The following CHCHD6 variants were observed in gnomAD, a reference collection of about 807,000 sequenced individuals.
CHCHD6 encodes the protein MICOS complex subunit MIC25.
CHCHD6 carries 28 observed loss-of-function variants against 32.3 expected under a neutral mutation model. The observed-to-expected ratio is 0.87, with a 90% CI of 0.64 to 1.19. CHCHD6 has a LOEUF of 1.19. CHCHD6 is among the 50% of genes most tolerant of loss of function. CHCHD6 has a pLI of 0.00. For synonymous variants in CHCHD6, 122 were observed against 117.5 expected, an observed-to-expected ratio of 1.04 and a Z score of -0.25; for missense variants, 333 against 307.0, an observed-to-expected ratio of 1.08 and a Z score of -0.63.
At chr3:126,895,436 G>A (rs1001559338) in intron 5 of CHCHD6, among the ~76,000 whole-genome samples, 4 of 152,196 alleles carry the variant, frequency 2.6e-5, no homozygotes, top group Admixed American at 1.3e-4. Flanking sequence ...TTTGCAGCAG[G>A]AGAAAAGAGG....
chr3:126,928,077 A>G (rs775966135), intron 6 of CHCHD6, among the ~76,000 whole-genome samples: 2 of 152,208 alleles, frequency 1.3e-5, no homozygotes, highest in Non-Finnish European at 2.9e-5. Flanking sequence ...AGGTCTGCCT[A>G]CAGTAGACCA....
At chr3:126,777,823 A>G (rs1937722013) in intron 4 of CHCHD6, among the ~76,000 whole-genome samples, 1 of 152,208 alleles carries the variant, frequency 6.6e-6, no homozygotes, top group African/African-American at 2.4e-5. Flanking sequence ...ATCTAACTCA[A>G]TTATTTTTAG....
chr3:126,736,843 A>G (rs906111493), intron 4 of CHCHD6, among the ~76,000 whole-genome samples: 2 of 152,218 alleles, frequency 1.3e-5, no homozygotes, highest in African/African-American at 4.8e-5. Context: ...CTGGGAAGAA[A>G]TAAAAAGAAC....
intron 6 of CHCHD6, among the ~76,000 whole-genome samples, chr3:126,937,060 G>C (rs1161520050): frequency 6.6e-6 from 1 of 152,248 alleles, no homozygotes; most frequent in African/African-American, 2.4e-5. Context: ...TGTGGGTAGA[G>C]AGCTGGGCAA....
intron 4 of CHCHD6, chr3:126,766,539 C>T: frequency 1.0e-6 from 1 of 979,932 alleles, no homozygotes; most frequent in Non-Finnish European, 1.6e-6. Context: ...CCATGGTGAC[C>T]TCTGAGAAAA....
At chr3:126,753,081 G>C (rs1159097323) in intron 4 of CHCHD6, among the ~76,000 whole-genome samples, 1 of 152,134 alleles carries the variant, frequency 6.6e-6, no homozygotes, top group Non-Finnish European at 1.5e-5. Flanking sequence ...GGTAGCTGGT[G>C]GCACCCTTCA....
intron 4 of CHCHD6, among the ~76,000 whole-genome samples, chr3:126,758,130 C>G (rs943172813): frequency 6.6e-6 from 1 of 152,204 alleles, no homozygotes; most frequent in African/African-American, 2.4e-5. Flanking sequence ...GCCAGCTGCT[C>G]CATGTCTGTG....
At chr3:126,783,332 G>C (rs1341627863) in intron 4 of CHCHD6, among the ~76,000 whole-genome samples, 2 of 152,176 alleles carry the variant, frequency 1.3e-5, no homozygotes, top group African/African-American at 4.8e-5. Flanking sequence ...CATATGACAA[G>C]CCCACAGCTA....
chr3:126,715,142 C>G (rs935265415), intron 1 of CHCHD6, among the ~76,000 whole-genome samples: 11 of 152,126 alleles, frequency 7.2e-5, no homozygotes, highest in African/African-American at 2.7e-4. Flanking sequence ...GCAAATCATT[C>G]TATTGTTTCC....
At chr3:126,895,275 G>T (rs2077822202) in intron 5 of CHCHD6, among the ~76,000 whole-genome samples, 1 of 152,244 alleles carries the variant, frequency 6.6e-6, no homozygotes, top group South Asian at 2.1e-4. Flanking sequence ...GGAGGGCACA[G>T]TGAGTTAGCG....
intron 1 of CHCHD6, among the ~76,000 whole-genome samples, chr3:126,721,393 C>T (rs1191101369): frequency 6.6e-6 from 1 of 152,162 alleles, no homozygotes; most frequent in African/African-American, 2.4e-5. Context: ...CTGCAGACAT[C>T]GCTGCCGTCC....
At chr3:126,818,043 G>A (rs567153160) in intron 4 of CHCHD6, among the ~76,000 whole-genome samples, 7 of 152,218 alleles carry the variant, frequency 4.6e-5, no homozygotes, top group Admixed American at 2.0e-4. Context: ...GGTGATGGCC[G>A]CAGCCATGTT....
In CHCHD6 at chr3:126,712,819, C is replaced by T. The variant is rs909844953; in HGVS notation, c.87+8420C>T. ...AGCTTTCTAAATGACCCTGCCAGCA[C>T]CCCCGTGCATGTCCCATGGGTACAT... On this transcript the variant is annotated intron_variant, in intron 1 of 7. Transcript: ENST00000290913. Among the ~76,000 whole-genome samples the T allele has an allele frequency of 2.0e-4, 31 of 152,218 alleles. 1 individual carries two copies. Among genetic ancestry groups the T allele is most frequent in the African/African-American group, 6.8e-4 (28 of 41,448 alleles).
At chr3:126,779,535 CAAAAAA>C (rs11288509) in intron 4 of CHCHD6, among the ~76,000 whole-genome samples, 1 of 78,094 alleles carries the variant, frequency 1.3e-5, no homozygotes, top group Non-Finnish European at 2.4e-5. Context: ...GACTCCATCT[CAAAAAA>C]AAAAAAAAAA....
intron 4 of CHCHD6, among the ~76,000 whole-genome samples, chr3:126,778,228 A>G (rs1394456640): frequency 3.3e-5 from 5 of 152,186 alleles, no homozygotes; most frequent in Non-Finnish European, 7.3e-5. Context: ...TGCTGCTGTA[A>G]ACATTTGTCT....
intron 5 of CHCHD6, among the ~76,000 whole-genome samples, chr3:126,857,113 G>A (rs1941689082): frequency 6.6e-6 from 1 of 152,180 alleles, no homozygotes; most frequent in South Asian, 2.1e-4. Context: ...AATGCCAGGT[G>A]CAGAGATGGC....
At chr3:126,738,876 A>G (rs926718236) in intron 4 of CHCHD6, among the ~76,000 whole-genome samples, 4 of 152,260 alleles carry the variant, frequency 2.6e-5, no homozygotes, top group African/African-American at 9.6e-5. Context: ...TCTCCTAGTC[A>G]GAGTCTTACA....
Position 126,960,243 on chromosome 3 carries a change from C to T in CHCHD6, c.*42C>T. On this transcript the variant is annotated 3_prime_UTR_variant, in exon 8 of 8. Transcript: ENST00000290913. Reference sequence around the variant, plus strand: ...CCTGCCCTGGCAGTGACTTGGAGCCCTGAAGAAGGGACCAATCATGGGACC... The same window carrying T: ...CCTGCCCTGGCAGTGACTTGGAGCCTTGAAGAAGGGACCAATCATGGGACC... 1 of 1,550,786 alleles carries T rather than the reference C, an allele frequency of 6.4e-7. No individual in the cohort carries two copies. Among genetic ancestry groups the T allele is most frequent in the Non-Finnish European group, 8.7e-7 (1 of 1,146,632 alleles).
chr3:126,867,968 A>G (rs1347121635), intron 5 of CHCHD6, among the ~76,000 whole-genome samples: 1 of 152,240 alleles, frequency 6.6e-6, no homozygotes, highest in Non-Finnish European at 1.5e-5. Context: ...CTTTGCCTAC[A>G]GGGCTCTGTG....
Sources: allele counts gnomAD v4.1 joint callset (sites outside exome capture counted in the v4.1 genomes callset), GRCh38; gene constraint gnomAD v4.1.1; transcripts MANE v1.5; gene names NCBI Gene and HGNC (gene_info 2026-07-23, HGNC 2026-07-21).